BCL2L1: variants seen among roughly 807,000 people sequenced by gnomAD.
BCL2L1 encodes bcl-2-like protein 1.
A neutral mutation model predicts 18.7 loss-of-function variants in BCL2L1; 1 was observed. That is an observed-to-expected ratio of 0.05 (90% CI 0.02 to 0.25). The LOEUF is 0.25. Among genes scored for constraint, BCL2L1 ranks in the 10% least tolerant of loss-of-function variants. BCL2L1 has a pLI of 1.00. For missense variants in BCL2L1, 207 were observed against 304.9 expected (o/e 0.68, Z 2.39); for synonymous variants, 103 against 122.7 (o/e 0.84, Z 1.06).
Position 31,721,948 on chromosome 20 carries a change from T to C in BCL2L1, c.271A>G (p.Arg91Gly), listed in dbSNP as rs901023938. The C allele has an allele frequency of 6.2e-7, 1 of 1,614,074 alleles. No homozygotes were observed. Residue 91 changes from arginine to glycine, a missense_variant, in exon 2 of 3, where the codon AGG becomes GGG. Arg to Gly is a moderately radical substitution (Grantham distance 125, BLOSUM62 -2). Transcript: ENST00000307677. The part of the protein sequence containing the change: ...IPMAAVKQAL[R>G]EAGDEFELRY... ...AGTTCAAACTCGTCGCCTGCCTCCC[T>C]CAGCGCTTGCTTTACTGCTGCCATG...
At chr20:31,678,988 C>T (rs1360913519) in intron 2 of BCL2L1, among the ~76,000 whole-genome samples, 1 of 152,170 alleles carries the variant, frequency 6.6e-6, no homozygotes, top group Non-Finnish European at 1.5e-5. Flanking sequence ...TCCTTCTATT[C>T]TGTGATGTGA....
chr20:31,701,938 C>A (rs957270077), intron 2 of BCL2L1, among the ~76,000 whole-genome samples: 11 of 152,266 alleles, frequency 7.2e-5, no homozygotes, highest in African/African-American at 2.4e-4. Context: ...AAACCAAACG[C>A]CCTATAATCA....
chr20:31,720,172 T>A, intron 2 of BCL2L1: 1 of 984,820 alleles, frequency 1.0e-6, no homozygotes, highest in Non-Finnish European at 1.2e-6. Flanking sequence ...CCCCTTGCCT[T>A]TTACAAGAGC....
At chr20:31,701,304 G>T (rs1303278418) in intron 2 of BCL2L1, among the ~76,000 whole-genome samples, 1 of 152,086 alleles carries the variant, frequency 6.6e-6, no homozygotes, top group African/African-American at 2.4e-5. Context: ...TGCCCACCTT[G>T]CCCTCCCAAA....
At chr20:31,699,620 A>G (rs1330464012) in intron 2 of BCL2L1, among the ~76,000 whole-genome samples, 2 of 152,112 alleles carry the variant, frequency 1.3e-5, no homozygotes, top group Non-Finnish European at 2.9e-5. Context: ...TGAACCAACA[A>G]TCCTTCATTT....
intron 2 of BCL2L1, among the ~76,000 whole-genome samples, chr20:31,671,061 G>A (rs1302254265): frequency 6.6e-6 from 1 of 152,072 alleles, no homozygotes; most frequent in East Asian, 1.9e-4. Context: ...AGGCCCAAGG[G>A]CCTGTCTGCA....
intron 2 of BCL2L1, among the ~76,000 whole-genome samples, chr20:31,708,137 T>C (rs2061398719): frequency 6.6e-6 from 1 of 152,152 alleles, no homozygotes; most frequent in Non-Finnish European, 1.5e-5. Context: ...AATCTATCCT[T>C]AGGGCAACAA....
chr20:31,666,574 G>A (rs912132594), intron 2 of BCL2L1, among the ~76,000 whole-genome samples: 1 of 152,140 alleles, frequency 6.6e-6, no homozygotes, highest in Non-Finnish European at 1.5e-5. Context: ...CTGCACCAGA[G>A]GGAGGGATAA....
rs765845311 is a variant in BCL2L1, at chr20:31,665,914, G to C, written c.*35C>G. 1.5e-5 allele frequency: 24 copies of C among 1,606,584 alleles called. No homozygotes were observed. The highest frequency in any genetic ancestry group is 5.5e-5 in the South Asian group (5 of 90,622). On this transcript the variant is annotated 3_prime_UTR_variant, in exon 3 of 3. Coordinates refer to ENST00000307677, the MANE Select transcript of BCL2L1 (RefSeq NM_138578.3). ...CGGAGGATGTGGTGGAGCAGAGAAG[G>C]GGGTGGGAGGGTAGAGTGGATGGTC...
chr20:31,666,121 C>A, intron 2 of BCL2L1, 35 bp from the exon 3 acceptor site: 1 of 1,611,444 alleles, frequency 6.2e-7, no homozygotes, highest in Non-Finnish European at 8.5e-7. Flanking sequence ...CAGTTTTAGT[C>A]CTCAGAGAGT....
intron 2 of BCL2L1, among the ~76,000 whole-genome samples, chr20:31,673,455 G>C (rs550051989): frequency 6.6e-5 from 10 of 151,146 alleles, no homozygotes; most frequent in African/African-American, 2.2e-4. Context: ...ACCAGCCTGG[G>C]CAACACAGGA....
intron 2 of BCL2L1, among the ~76,000 whole-genome samples, chr20:31,711,270 T>C (rs1320568307): frequency 1.3e-5 from 2 of 152,240 alleles, no homozygotes; most frequent in Non-Finnish European, 1.5e-5. Context: ...CTCAGGCTTA[T>C]GGATGAGAAT....
upstream of BCL2L1, chr20:31,723,294 G>C: frequency 1.0e-6 from 1 of 985,782 alleles, no homozygotes; most frequent in South Asian, 4.7e-5. Context: ...GGACACAATG[G>C]CCGCCGGCGC....
At chr20:31,698,630 C>T (rs2061225958) in intron 2 of BCL2L1, among the ~76,000 whole-genome samples, 1 of 152,104 alleles carries the variant, frequency 6.6e-6, no homozygotes, top group African/African-American at 2.4e-5. Flanking sequence ...CCTTGACCTC[C>T]TGGACTCAAG....
chr20:31,666,598 T>C (rs758049781), intron 2 of BCL2L1, among the ~76,000 whole-genome samples: 17 of 152,038 alleles, frequency 1.1e-4, no homozygotes, highest in Non-Finnish European at 2.1e-4. Context: ...AGCCCAGGGC[T>C]AAATCCCCAG....
At chr20:31,714,902 C>T (rs769409222) in intron 2 of BCL2L1, among the ~76,000 whole-genome samples, 8 of 152,180 alleles carry the variant, frequency 5.3e-5, no homozygotes, top group Non-Finnish European at 1.0e-4. Flanking sequence ...ACACCTCCAC[C>T]TCTAGGTCCA....
At chr20:31,681,425 A>C (rs1184236519) in intron 2 of BCL2L1, among the ~76,000 whole-genome samples, 1 of 152,144 alleles carries the variant, frequency 6.6e-6, no homozygotes, top group Non-Finnish European at 1.5e-5. Flanking sequence ...AGGTGAGAGG[A>C]CTGCTTGAGT....
chr20:31,717,671 G>T (rs535605417), intron 2 of BCL2L1, among the ~76,000 whole-genome samples: 2 of 152,300 alleles, frequency 1.3e-5, no homozygotes, highest in Non-Finnish European at 2.9e-5. Context: ...TCTGCAAAGG[G>T]AGCTGAGGTG....
chr20:31,679,160 T>C (rs2060813307), intron 2 of BCL2L1, among the ~76,000 whole-genome samples: 1 of 152,090 alleles, frequency 6.6e-6, no homozygotes, highest in Non-Finnish European at 1.5e-5. Flanking sequence ...TGCAGAACAG[T>C]AAGATGCCTG....
Sources: gnomAD v4.1 joint callset for allele counts (sites outside exome capture counted in the v4.1 genomes callset) on GRCh38, gnomAD v4.1.1 for gene constraint, MANE v1.5 for transcripts, NCBI Gene and HGNC (gene_info 2026-07-23, HGNC 2026-07-21) for gene names.